The following USO1 variants were observed in gnomAD, a reference collection of about 807,000 sequenced individuals.
The protein encoded by USO1 is USO1 vesicle transport factor.
Under a neutral mutation model 124.5 loss-of-function variants are expected in USO1, and 57 were observed. The observed-to-expected ratio is 0.46, with a 90% CI of 0.37 to 0.57. USO1 has a LOEUF of 0.57. Among genes scored for constraint, USO1 ranks in the 20% least tolerant of loss-of-function variants. The pLI is 0.00. For missense variants in USO1, 900 were observed against 1,040.6 expected (o/e 0.86, Z 1.86); for synonymous variants, 369 against 362.8 (o/e 1.02, Z -0.19).
intron 4 of USO1, among the ~76,000 whole-genome samples, chr4:75,762,797 G>A (rs532285293): frequency 5.3e-5 from 8 of 152,060 alleles, no homozygotes; most frequent in African/African-American, 1.9e-4. Context: ...GCGTGGTGGC[G>A]GGCCCCTGTA....
intron 1 of USO1, among the ~76,000 whole-genome samples, chr4:75,732,374 A>G (rs11943497): frequency 0.53 from 80,074 of 152,040 alleles, 23,092 homozygotes; most frequent in East Asian, 0.81. Flanking sequence ...ATTCCATGGC[A>G]TATATGTACT....
chr4:75,788,892 G>T (rs974862582), intron 10 of USO1, among the ~76,000 whole-genome samples: 1 of 150,526 alleles, frequency 6.6e-6, no homozygotes, highest in Non-Finnish European at 1.5e-5. Context: ...TTTATTTTTT[G>T]CTCTTTCATG....
At chr4:75,746,050 C>T (rs1220015373) in intron 1 of USO1, among the ~76,000 whole-genome samples, 2 of 152,152 alleles carry the variant, frequency 1.3e-5, no homozygotes, top group African/African-American at 2.4e-5. Flanking sequence ...ATAATCCCTA[C>T]GGTATGTAGT....
chr4:75,772,130 C>T (rs1457134686), intron 7 of USO1, among the ~76,000 whole-genome samples: 2 of 152,132 alleles, frequency 1.3e-5, no homozygotes, highest in Non-Finnish European at 2.9e-5. Flanking sequence ...ATTCTTAACT[C>T]CTAGTCTATG....
At chr4:75,771,683 A>G (rs1721937787) in intron 7 of USO1, among the ~76,000 whole-genome samples, 1 of 152,138 alleles carries the variant, frequency 6.6e-6, no homozygotes, top group Non-Finnish European at 1.5e-5. Context: ...TTGAGTGTGT[A>G]TTTCTAAGGA....
intron 18 of USO1, among the ~76,000 whole-genome samples, chr4:75,804,733 A>G (rs1444596733): frequency 6.6e-6 from 1 of 152,214 alleles, no homozygotes; most frequent in African/African-American, 2.4e-5. Context: ...ACATTTGAGA[A>G]CTAAATGATA....
chr4:75,811,769 T>TA (rs944576997), intron 22 of USO1, among the ~76,000 whole-genome samples: 40 of 152,210 alleles, frequency 2.6e-4, no homozygotes, highest in African/African-American at 8.4e-4. Flanking sequence ...GAAGTTGGGA[T>TA]AAAAAATTTT....
intron 1 of USO1, among the ~76,000 whole-genome samples, chr4:75,751,235 G>A (rs1018944089): frequency 0.01 from 1,529 of 149,508 alleles, 28 homozygotes; most frequent in African/African-American, 0.036. Context: ...TATTTGAAAC[G>A]GAACCTCACT....
intron 10 of USO1, 60 bp downstream of exon 10, chr4:75,787,262 A>G: frequency 7.3e-7 from 1 of 1,377,606 alleles, no homozygotes; most frequent in Non-Finnish European, 9.5e-7. Context: ...TCCTAGGAAG[A>G]ATTAGATATT....
intron 1 of USO1, among the ~76,000 whole-genome samples, chr4:75,750,704 C>T (rs1177581566): frequency 1.5e-5 from 2 of 130,536 alleles, no homozygotes; most frequent in African/African-American, 5.0e-5. Flanking sequence ...AGGATGGTCT[C>T]GATCTCTTGA....
At chr4:75,742,100 A>G (rs188395798) in intron 1 of USO1, among the ~76,000 whole-genome samples, 9 of 152,340 alleles carry the variant, frequency 5.9e-5, no homozygotes, top group Admixed American at 4.6e-4. Context: ...AGGCTGTTTT[A>G]CAGTTAACTT....
At chr4:75,734,678 G>C (rs1720736023) in intron 1 of USO1, among the ~76,000 whole-genome samples, 1 of 138,508 alleles carries the variant, frequency 7.2e-6, no homozygotes, top group Non-Finnish European at 1.5e-5. Flanking sequence ...TAGTTTGATA[G>C]GAATAGCGTT....
chr4:75,761,877 C>G (rs1721617232), intron 4 of USO1, among the ~76,000 whole-genome samples: 1 of 151,994 alleles, frequency 6.6e-6, no homozygotes, highest in Non-Finnish European at 1.5e-5. Flanking sequence ...TGAAGCATTA[C>G]CTTTTGTGAC....
intron 4 of USO1, among the ~76,000 whole-genome samples, chr4:75,765,574 C>T (rs1160286573): frequency 2.0e-5 from 3 of 151,882 alleles, no homozygotes; most frequent in Non-Finnish European, 4.4e-5. Context: ...TTTCCATCAT[C>T]CTGTCAGTTT....
intron 1 of USO1, among the ~76,000 whole-genome samples, chr4:75,748,125 A>G (rs149073028): frequency 2.0e-5 from 3 of 151,222 alleles, no homozygotes; most frequent in Non-Finnish European, 4.4e-5. Flanking sequence ...GCTGGTCTCG[A>G]ACTCCTGACC....
intron 13 of USO1, among the ~76,000 whole-genome samples, chr4:75,796,865 T>C (rs932222632): frequency 7.7e-6 from 1 of 129,194 alleles, no homozygotes; most frequent in Admixed American, 9.0e-5. Context: ...GTTTTTAATA[T>C]GAGTTACAGA....
chr4:75,775,480 A>C (rs1722047930), intron 8 of USO1, among the ~76,000 whole-genome samples: 2 of 152,168 alleles, frequency 1.3e-5, no homozygotes, highest in South Asian at 4.1e-4. Flanking sequence ...TGGAGATTGC[A>C]ATGAGCTGAG....
intron 4 of USO1, 83 bp downstream of exon 4, chr4:75,757,656 C>T (rs1404629600): frequency 8.0e-7 from 1 of 1,250,758 alleles, no homozygotes; most frequent in Non-Finnish European, 1.0e-6. Context: ...TAAAGTTGGA[C>T]TTGTTTTATA....
intron 1 of USO1, among the ~76,000 whole-genome samples, chr4:75,730,650 CTCTT>C (rs1421579055): frequency 2.6e-5 from 4 of 151,838 alleles, no homozygotes; most frequent in Non-Finnish European, 5.9e-5. Flanking sequence ...AATACTGTTC[CTCTT>C]TCTTTTTATG....
Sources: allele counts gnomAD v4.1 joint callset (sites outside exome capture counted in the v4.1 genomes callset), GRCh38; gene constraint gnomAD v4.1.1; transcripts MANE v1.5; gene names NCBI Gene and HGNC (gene_info 2026-07-23, HGNC 2026-07-21).